Variants in FCHO2 observed in about 807,000 individuals in gnomAD.
FCHO2 encodes F-BAR domain only protein 2.
Under a neutral mutation model 114.1 loss-of-function variants are expected in FCHO2, and 43 were observed. The observed-to-expected ratio is 0.38, with a 90% CI of 0.30 to 0.49. The LOEUF (loss-of-function observed/expected upper bound fraction) is 0.49, where lower values mean the gene tolerates loss of function less well. Among genes scored for constraint, FCHO2 ranks in the 20% least tolerant of loss-of-function variants. The pLI is 0.97. For missense variants in FCHO2, 807 were observed against 950.4 expected, an observed-to-expected ratio of 0.85 and a Z score of 1.98; for synonymous variants, 293 against 315.2, an observed-to-expected ratio of 0.93 and a Z score of 0.75.
chr5:72,970,167 C>T (rs927822140), intron 2 of FCHO2, among the ~76,000 whole-genome samples: 1 of 152,202 alleles, frequency 6.6e-6, no homozygotes, highest in Non-Finnish European at 1.5e-5. Flanking sequence ...CAAGGGCTTC[C>T]CATTGCTCTT....
chr5:72,970,178 A>T (rs1242593644), intron 2 of FCHO2, among the ~76,000 whole-genome samples: 1 of 152,216 alleles, frequency 6.6e-6, no homozygotes, highest in African/African-American at 2.4e-5. Flanking sequence ...CATTGCTCTT[A>T]AGATAGGCCT....
intron 19 of FCHO2, among the ~76,000 whole-genome samples, chr5:73,071,898 T>C (rs1317412252): frequency 6.6e-6 from 1 of 152,090 alleles, no homozygotes; most frequent in East Asian, 1.9e-4. Context: ...AGTCGTGTTA[T>C]GTGCCCAGAT....
chr5:73,000,075 G>A (rs1165530920), intron 5 of FCHO2, among the ~76,000 whole-genome samples: 4 of 151,904 alleles, frequency 2.6e-5, no homozygotes, highest in East Asian at 1.9e-4. Flanking sequence ...GCACAATCAC[G>A]GCTCACTGTA....
At chr5:73,070,436 T>C (rs372407464) in intron 19 of FCHO2, among the ~76,000 whole-genome samples, 1 of 152,108 alleles carries the variant, frequency 6.6e-6, no homozygotes, top group African/African-American at 2.4e-5. Context: ...TAATGAATAC[T>C]TCATTTTTAT....
intron 5 of FCHO2, chr5:72,997,239 A>G: frequency 7.8e-6 from 9 of 1,149,628 alleles, no homozygotes; most frequent in Non-Finnish European, 1.2e-5. Context: ...TTTGTACATT[A>G]GAGGCCCCAT....
chr5:72,983,730 A>G (rs138027911), intron 2 of FCHO2, among the ~76,000 whole-genome samples: 272 of 152,066 alleles, frequency 1.8e-3, no homozygotes, highest in African/African-American at 5.6e-3. Context: ...GAAGTTGGGT[A>G]GTATCAGTCT....
intron 6 of FCHO2, among the ~76,000 whole-genome samples, chr5:73,009,603 C>T (rs912997832): frequency 6.6e-6 from 1 of 152,214 alleles, no homozygotes; most frequent in Non-Finnish European, 1.5e-5. Flanking sequence ...ATGGCACGAT[C>T]TTGGCTTACT....
At chr5:73,052,069 G>A (rs1205007135) in intron 12 of FCHO2, among the ~76,000 whole-genome samples, 2 of 151,934 alleles carry the variant, frequency 1.3e-5, no homozygotes, top group Non-Finnish European at 2.9e-5. Context: ...GACCACAGGT[G>A]CATGCCACCA....
At chr5:73,012,390 C>T (rs940596269) in intron 6 of FCHO2, among the ~76,000 whole-genome samples, 4 of 151,940 alleles carry the variant, frequency 2.6e-5, no homozygotes, top group African/African-American at 2.4e-5. Flanking sequence ...TGGGAGGCCG[C>T]GGCAGGTGGA....
At chr5:73,023,607 G>A (rs1305511262) in intron 8 of FCHO2, among the ~76,000 whole-genome samples, 2 of 152,034 alleles carry the variant, frequency 1.3e-5, no homozygotes, top group African/African-American at 4.8e-5. Flanking sequence ...GGCTGAGGCA[G>A]GAGAATTGCT....
Position 73,068,765 on chromosome 5 carries a change from A to C in FCHO2, c.1565A>C (p.Asn522Thr). The change falls in exon 19 of 26, where the codon AAT (asparagine) becomes ACT (threonine). Residue 522 changes from asparagine (N) to threonine (T), a missense_variant. Transcript: ENST00000430046. ...ISSSASLSAA[N>T]TPTVGVSRGP... ...TCATCTGCTTCATTGAGTGCTGCCAATACTCCAACAGTAGGTAAGTGATTA... is the reference window on the plus strand; with the variant it reads ...TCATCTGCTTCATTGAGTGCTGCCACTACTCCAACAGTAGGTAAGTGATTA... 6.2e-7 allele frequency: 1 copy of C among 1,611,884 alleles called. No individual in the cohort carries two copies. The highest frequency in any genetic ancestry group is 8.5e-7 in the Non-Finnish European group (1 of 1,178,654).
At chr5:73,028,646 CTTTT>C (rs1177312773) in intron 8 of FCHO2, among the ~76,000 whole-genome samples, 1 of 112,162 alleles carries the variant, frequency 8.9e-6, no homozygotes, top group Admixed American at 9.7e-5. Context: ...TTATATGATT[CTTTT>C]TTTTTTTTTT....
At chr5:72,981,535 G>A (rs531585241) in intron 2 of FCHO2, among the ~76,000 whole-genome samples, 10 of 152,222 alleles carry the variant, frequency 6.6e-5, no homozygotes, top group Non-Finnish European at 1.2e-4. Context: ...ATCCTGAAGA[G>A]TGTTTTCCAA....
At chr5:73,025,810 T>G (rs976606918) in intron 8 of FCHO2, among the ~76,000 whole-genome samples, 14 of 152,346 alleles carry the variant, frequency 9.2e-5, no homozygotes, top group Non-Finnish European at 1.9e-4. Flanking sequence ...GTGGAATTTA[T>G]GGACTTAAAG....
intron 8 of FCHO2, among the ~76,000 whole-genome samples, chr5:73,028,164 T>G (rs977679418): frequency 2.0e-5 from 3 of 152,038 alleles, no homozygotes; most frequent in Non-Finnish European, 4.4e-5. Flanking sequence ...ACCACAGCAC[T>G]CCAGCCTGGG....
chr5:72,990,159 TAGAC>T (rs988069338), intron 3 of FCHO2, among the ~76,000 whole-genome samples: 52 of 152,060 alleles, frequency 3.4e-4, no homozygotes, highest in African/African-American at 1.1e-3. Context: ...TTTTTAACAA[TAGAC>T]AGTGATAGAA....
At chr5:72,961,309 T>A (rs191433205) in intron 1 of FCHO2, among the ~76,000 whole-genome samples, 2 of 152,150 alleles carry the variant, frequency 1.3e-5, no homozygotes. Flanking sequence ...TTTTAAAATA[T>A]ATATCTTTAG....
In FCHO2 at chr5:73,077,906, A is replaced by G. The variant is rs543986305; in HGVS notation, c.1848-274A>G. Among the ~76,000 whole-genome samples, 8 of 152,294 alleles carry G rather than the reference A, an allele frequency of 5.3e-5. No homozygotes were observed. In the South Asian group the frequency reaches 6.2e-4, roughly 12 times the overall value. On this transcript the variant is annotated intron_variant, in intron 21 of 25. Coordinates refer to ENST00000430046, the MANE Select transcript of FCHO2 (RefSeq NM_138782.3). The stretch of plus-strand genomic sequence containing the variant: ...AATAATAATATTCAATTTGAAAACC[A>G]TACCAAAATTATTCTTACTAAACAC...
chr5:73,078,063 T>C, intron 21 of FCHO2, 117 bp from the exon 22 acceptor site: 1 of 707,300 alleles, frequency 1.4e-6, no homozygotes, highest in Non-Finnish European at 2.1e-6. Flanking sequence ...CTAATTTTCC[T>C]TCATCCCACC....
Sources: allele counts gnomAD v4.1 joint callset (sites outside exome capture counted in the v4.1 genomes callset), GRCh38; gene constraint gnomAD v4.1.1; transcripts MANE v1.5; gene names NCBI Gene and HGNC (gene_info 2026-07-23, HGNC 2026-07-21).